The following SEMA5B variants were observed in gnomAD, a reference collection of about 807,000 sequenced individuals.
The protein encoded by SEMA5B is semaphorin-5B.
SEMA5B carries 66 observed loss-of-function variants against 135.0 expected under a neutral mutation model. The ratio of observed to expected loss-of-function variants is 0.49; its 90% confidence interval spans 0.40 to 0.60. The LOEUF (loss-of-function observed/expected upper bound fraction) is 0.60. Ranked by LOEUF, SEMA5B falls within the 20% of genes least tolerant of loss-of-function variation. SEMA5B has a pLI of 0.00. For synonymous variants in SEMA5B, 690 were observed against 639.5 expected (o/e 1.08, Z -1.19); for missense variants, 1,501 against 1,566.3 (o/e 0.96, Z 0.70).
chr3:122,912,021 G>A lies in SEMA5B; in HGVS notation c.2945C>T (p.Ala982Val). 1 of 1,613,810 alleles carries A rather than the reference G, an allele frequency of 6.2e-7. No homozygotes were observed. Among genetic ancestry groups the A allele is most frequent in the Non-Finnish European group, 8.5e-7 (1 of 1,179,832 alleles). ...CTCACAGTGCCGGCTTCGGCTCTGG[G>A]CTCCGTCGTCAGTGCACTTACTCCA... is the stretch of plus-strand genomic sequence containing the variant. ...SEWSKCTDDG[A>V]QSRSRHCEEL... The change falls in exon 20 of 23, where the codon GCC (alanine) becomes GTC (valine). Residue 982 changes from alanine (A) to valine (V), a missense_variant. Transcript: ENST00000357599.
intron 5 of SEMA5B, among the ~76,000 whole-genome samples, chr3:122,930,406 C>T (rs899849932): frequency 6.6e-6 from 1 of 152,248 alleles, no homozygotes; most frequent in African/African-American, 2.4e-5. Flanking sequence ...TTCATCTGGA[C>T]AGAAACAACC....
chr3:122,947,363 C>T (rs1248165788), intron 3 of SEMA5B, among the ~76,000 whole-genome samples: 3 of 152,134 alleles, frequency 2.0e-5, no homozygotes, highest in East Asian at 3.9e-4. Context: ...AGCCAACCCA[C>T]AGCTGGGAAT....
At chr3:122,940,039 T>A (rs1939484913) in intron 4 of SEMA5B, among the ~76,000 whole-genome samples, 1 of 152,134 alleles carries the variant, frequency 6.6e-6, no homozygotes. Context: ...GTCTGACCTT[T>A]CTGTGGCCAC....
At chr3:122,953,603 C>A (rs556960972) in intron 2 of SEMA5B, among the ~76,000 whole-genome samples, 2 of 152,290 alleles carry the variant, frequency 1.3e-5, no homozygotes, top group African/African-American at 4.8e-5. Flanking sequence ...GGGCCTAGAT[C>A]TGGGATCTCC....
At chr3:122,994,780 C>A (rs895611742) in intron 1 of SEMA5B, among the ~76,000 whole-genome samples, 1 of 152,192 alleles carries the variant, frequency 6.6e-6, no homozygotes, top group African/African-American at 2.4e-5. Context: ...CCCTGTGTGA[C>A]AAGTGGGAAT....
chr3:123,014,039 G>A (rs1328499414), intron 1 of SEMA5B, among the ~76,000 whole-genome samples: 1 of 152,226 alleles, frequency 6.6e-6, no homozygotes, highest in Non-Finnish European at 1.5e-5. Flanking sequence ...CTCTGAATGT[G>A]TTCAAGCCAC....
intron 1 of SEMA5B, among the ~76,000 whole-genome samples, chr3:122,992,338 G>A (rs1304936753): frequency 6.6e-6 from 1 of 152,212 alleles, no homozygotes; most frequent in Non-Finnish European, 1.5e-5. Context: ...GACAGCGTGG[G>A]AGGAGGGATA....
At chr3:122,954,335 G>A (rs1432673450) in intron 2 of SEMA5B, among the ~76,000 whole-genome samples, 2 of 152,208 alleles carry the variant, frequency 1.3e-5, no homozygotes, top group Non-Finnish European at 2.9e-5. Flanking sequence ...GCCCTTTCCT[G>A]AGGTTTAAAT....
chr3:122,935,686 C>CTTTTTTTTTTTTTTTTTTTTTTTTTTT lies in SEMA5B; in HGVS notation c.474+3738_474+3739insAAAAAAAAAAAAAAAAAAAAAAAAAAA, dbSNP rs147968317. Reference sequence around the variant, plus strand: ...CACTTTTTTTTCTTTTTCTTTCTTTCTTTTTTTTTTTTTTTTTTTTTTTTG... The same window carrying CTTTTTTTTTTTTTTTTTTTTTTTTTTT: ...CACTTTTTTTTCTTTTTCTTTCTTTCTTTTTTTTTTTTTTTTTTTTTTTTTTTTTTTTTTTTTTTTTTTTTTTTTTTG... On this transcript the variant is annotated intron_variant, in intron 5 of 22. Transcript: ENST00000357599. 9.5e-4 allele frequency among the ~76,000 whole-genome samples: 67 copies of CTTTTTTTTTTTTTTTTTTTTTTTTTTT among 70,260 alleles called. 1 individual carries two copies. The highest frequency in any genetic ancestry group is 2.0e-3 in the East Asian group (5 of 2,516). The allele number at this position is 70,260 out of a possible 152,430, so 46.1% of individuals were successfully genotyped here. A position where few individuals can be genotyped will look rare whatever the true frequency, so the allele number is the denominator to read the frequency against.
chr3:122,959,640 G>A (rs1454096429), intron 2 of SEMA5B, among the ~76,000 whole-genome samples: 1 of 152,152 alleles, frequency 6.6e-6, no homozygotes, highest in Non-Finnish European at 1.5e-5. Flanking sequence ...ACATCGTGAG[G>A]GCAATTGTGT....
chr3:123,011,624 C>T (rs889675161), intron 1 of SEMA5B, among the ~76,000 whole-genome samples: 6 of 152,120 alleles, frequency 3.9e-5, no homozygotes, highest in Non-Finnish European at 7.4e-5. Flanking sequence ...AGCTTGCAAC[C>T]CAAGGTTAAT....
intron 1 of SEMA5B, among the ~76,000 whole-genome samples, chr3:122,970,407 A>G (rs116583975): frequency 0.012 from 1,903 of 152,280 alleles, 39 homozygotes; most frequent in African/African-American, 0.044. Context: ...AGAGTTTCTC[A>G]TTCAGTCAAT....
chr3:122,912,149 C>G (rs773563417), intron 19 of SEMA5B, 23 bp downstream of exon 19: 5 of 1,580,260 alleles, frequency 3.2e-6, no homozygotes, highest in Non-Finnish European at 4.3e-6. Flanking sequence ...CGCTTCCCAG[C>G]CCTGGCGGGA....
At chr3:122,911,799 C>T in intron 20 of SEMA5B, 121 bp downstream of exon 20, 3 of 1,288,214 alleles carry the variant, frequency 2.3e-6, no homozygotes, top group South Asian at 3.1e-5. Flanking sequence ...TCCTTCCCCC[C>T]ACTTCCATGT....
intron 1 of SEMA5B, among the ~76,000 whole-genome samples, chr3:123,003,205 A>G (rs1942225368): frequency 1.3e-5 from 2 of 152,336 alleles, no homozygotes; most frequent in Middle Eastern, 3.4e-3. Context: ...TCATAAAGAA[A>G]TAAGCCTACT....
chr3:122,929,042 G>C lies in SEMA5B; in HGVS notation c.491C>G (p.Ser164Cys). The C allele has an allele frequency of 6.2e-7, 1 of 1,612,092 alleles. No individual in the cohort carries two copies. ...VSLLQATEWASSEDTRRSCQS... is the reference protein window; with the variant it reads ...VSLLQATEWACSEDTRRSCQS... ...GCAGGAGCGGCGCGTGTCCTCACTGGAGGCCCACTCTGTGGCCTGGGGGAG... is the reference window on the plus strand; with the variant it reads ...GCAGGAGCGGCGCGTGTCCTCACTGCAGGCCCACTCTGTGGCCTGGGGGAG... Residue 164 changes from serine to cysteine, a missense_variant, in exon 6 of 23, where the codon TCC (serine) becomes TGC (cysteine). Around this residue, in one of 2 missense-constraint regions of SEMA5B, gnomAD observed 574 missense variants for 684.7 expected, o/e 0.84. Transcript: ENST00000357599.
At chr3:122,920,421 A>G (rs193056308) in intron 12 of SEMA5B, among the ~76,000 whole-genome samples, 110 of 151,206 alleles carry the variant, frequency 7.3e-4, no homozygotes, top group African/African-American at 2.6e-3. Flanking sequence ...CATATGTGAA[A>G]GCCTGTGATT....
At chr3:122,942,926 G>C (rs1188682444) in intron 4 of SEMA5B, among the ~76,000 whole-genome samples, 1 of 152,184 alleles carries the variant, frequency 6.6e-6, no homozygotes, top group Middle Eastern at 3.2e-3. Flanking sequence ...AGTCTCCACA[G>C]GTTCCCCCAG....
rs75405353 is a variant in SEMA5B, at chr3:122,961,012, G to A, written c.124+128C>T. ...CCACAATTTTTAAAAAGGAAGAGCTGCTCAAATACAGTGGACTGAGGTCCT... is the reference window on the plus strand; with the variant it reads ...CCACAATTTTTAAAAAGGAAGAGCTACTCAAATACAGTGGACTGAGGTCCT... On this transcript the variant is annotated intron_variant, in intron 2 of 22. Coordinates refer to ENST00000357599, the MANE Select transcript of SEMA5B (RefSeq NM_001031702.4). 5.3e-3 allele frequency: 5,281 copies of A among 990,476 alleles called. 225 individuals carry two copies. In the East Asian group the frequency reaches 0.1, roughly 20 times the overall value. The allele number at this position is 990,476 out of a possible 1,614,324, so 61.4% of individuals were successfully genotyped here. A position where few individuals can be genotyped will look rare whatever the true frequency, so the allele number is the denominator to read the frequency against.
Sources: allele counts gnomAD v4.1 joint callset (sites outside exome capture counted in the v4.1 genomes callset), GRCh38; gene constraint gnomAD v4.1.1; regional missense constraint gnomAD v4.1.1; transcripts MANE v1.5; gene names NCBI Gene and HGNC (gene_info 2026-07-23, HGNC 2026-07-21).